The following PLXNA2 variants were observed in gnomAD, a reference collection of about 807,000 sequenced individuals.
PLXNA2 encodes plexin A2, also known as plexin-A2.
A neutral mutation model predicts 193.5 loss-of-function variants in PLXNA2; 91 were observed. The observed-to-expected ratio is 0.47, with a 90% CI of 0.40 to 0.56. PLXNA2 has a LOEUF of 0.56. Ranked by LOEUF, PLXNA2 falls within the 20% of genes least tolerant of loss-of-function variation. PLXNA2 has a pLI of 0.00. For synonymous variants in PLXNA2, 997 were observed against 1,027.3 expected (o/e 0.97, Z 0.56); for missense variants, 1,995 against 2,503.2 (o/e 0.80, Z 4.33).
rs1157906080 is a variant in PLXNA2, at chr1:208,217,838, C to G, written c.85G>C (p.Ala29Pro). ...TGAGGCATGCCGGCTGCTGGGGGGG[C>G]CAGCAGCACCCAGACCACTGAGAGC... is the stretch of plus-strand genomic sequence containing the variant. ...VLLSVVWVLL[A>P]PPAAGMPQFS... is the part of the protein sequence containing the mutation. Residue 29 changes from alanine to proline, a missense_variant, in exon 2 of 32, where the codon GCC becomes CCC. By Grantham distance (27) the Ala-to-Pro change is conservative. Transcript: ENST00000367033. This position sits in a 1 kb window ranked among gnomAD's most constrained non-coding sequence, Gnocchi z 4.7. The G allele has an allele frequency of 6.2e-7, 1 of 1,613,874 alleles. No individual in the cohort carries two copies. The highest frequency in any genetic ancestry group is 8.5e-7 in the Non-Finnish European group (1 of 1,179,998).
At chr1:208,052,643 A>T (rs1304201182) in intron 14 of PLXNA2, among the ~76,000 whole-genome samples, 180 bp from the exon 15 acceptor site, 1 of 152,118 alleles carries the variant, frequency 6.6e-6, no homozygotes, top group Non-Finnish European at 1.5e-5. Context: ...TCTAAGAATC[A>T]TCTCTGGGCA....
intron 1 of PLXNA2, among the ~76,000 whole-genome samples, chr1:208,220,233 G>A (rs1287025089): frequency 1.3e-5 from 2 of 152,118 alleles, no homozygotes; most frequent in Non-Finnish European, 2.9e-5. Context: ...ATAGTGAGTG[G>A]CTTTTGTTGT....
intron 22 of PLXNA2, among the ~76,000 whole-genome samples, chr1:208,041,895 G>A (rs534049066): frequency 3.3e-5 from 5 of 152,350 alleles, no homozygotes; most frequent in African/African-American, 1.2e-4. Flanking sequence ...TCACACCTGG[G>A]TGACTTCAGA....
intron 4 of PLXNA2, among the ~76,000 whole-genome samples, chr1:208,128,695 C>CTTTCTTTTTTTTTTTTTTTTTTTT (rs1558207045): frequency 1.2e-5 from 1 of 81,682 alleles, no homozygotes. Context: ...CTGTTTCTTT[C>CTTTCTTTTTTTTTTTTTTTTTTTT]TTTTTTTTTT....
rs1490589636 is a variant in PLXNA2 at position 208,024,629 on chromosome 1, A to ATTCTCCAC, written c.*2606_*2613dup. 1 of 152,322 alleles carries ATTCTCCAC rather than the reference A, an allele frequency of 6.6e-6. No homozygotes were observed. The highest frequency in any genetic ancestry group is 1.5e-5 in the Non-Finnish European group (1 of 68,176). 9.4% of individuals were successfully genotyped at this position (152,322 alleles called of 1,614,324 possible). A position where few individuals can be genotyped will look rare whatever the true frequency, so the allele number is the denominator to read the frequency against. On this transcript the variant is annotated 3_prime_UTR_variant, in exon 32 of 32. Transcript: ENST00000367033. ...CCCTCCAATTGGCCATTGCCCCATC[A>ATTCTCCAC]TTCTCCACGCTCTCCACAAACCTTC...
intron 3 of PLXNA2, among the ~76,000 whole-genome samples, chr1:208,195,426 G>A (rs1159860970): frequency 1.3e-5 from 2 of 152,086 alleles, no homozygotes; most frequent in African/African-American, 2.4e-5. Context: ...GACCCACCAG[G>A]CACTGTGCTT....
Position 208,039,768 on chromosome 1 carries a change from C to T in PLXNA2, c.4354-1G>A. 1.2e-6 allele frequency: 2 copies of T among 1,614,066 alleles called. No individual in the cohort carries two copies. Among genetic ancestry groups the T allele is most frequent in the Non-Finnish European group, 1.7e-6 (2 of 1,180,002 alleles). Reference sequence around the variant, plus strand: ...TGAAGAGTGGCTCCCCTGCGCACTCCTGTGGGCACAGACAGGGCAGGAGGT... The same window carrying T: ...TGAAGAGTGGCTCCCCTGCGCACTCTTGTGGGCACAGACAGGGCAGGAGGT... On this transcript the variant is annotated splice_acceptor_variant, in intron 23 of 31. Transcript: ENST00000367033. LOFTEE classifies it high-confidence loss of function.
intron 11 of PLXNA2, 66 bp from the exon 12 acceptor site, chr1:208,079,516 G>A (rs1666264857): frequency 8.1e-7 from 1 of 1,227,820 alleles, no homozygotes; most frequent in Non-Finnish European, 1.1e-6. Context: ...CCCTCCTCTT[G>A]CAGGTGTGAT....
chr1:208,142,247 A>T, intron 4 of PLXNA2, 82 bp downstream of exon 4: 1 of 1,453,824 alleles, frequency 6.9e-7, no homozygotes, highest in Non-Finnish European at 9.2e-7. Flanking sequence ...CTCTTCTTGG[A>T]CTGAACAGTT....
rs368056918 is a variant in PLXNA2, at chr1:208,186,708, A to ATTTTGTTTTTTGTT, written c.1371+23571_1371+23572insAACAAAAAACAAAA. On this transcript the variant is annotated intron_variant, in intron 3 of 31. Coordinates refer to ENST00000367033, the MANE Select transcript of PLXNA2 (RefSeq NM_025179.4). ...GGGCTGTCCTGGGAATTGCAATGTT[A>ATTTTGTTTTTTGTT]TTTTATTTTTTTTTTTTTTTTTGAG... is the stretch of plus-strand genomic sequence containing the variant. Among the ~76,000 whole-genome samples the ATTTTGTTTTTTGTT allele has an allele frequency of 2.7e-3, 307 of 111,678 alleles. 20 individuals are homozygous for ATTTTGTTTTTTGTT. The highest frequency in any genetic ancestry group is 7.2e-3 in the African/African-American group (240 of 33,254). 73.3% of individuals were successfully genotyped at this position (111,678 alleles called of 152,430 possible).
intron 4 of PLXNA2, among the ~76,000 whole-genome samples, chr1:208,105,337 T>C (rs1435100971): frequency 6.6e-6 from 1 of 152,198 alleles, no homozygotes. Context: ...ACCGCCTGGC[T>C]TTCCAAAGGA....
chr1:208,032,154 G>A, intron 28 of PLXNA2: 2 of 985,208 alleles, frequency 2.0e-6, no homozygotes, highest in Non-Finnish European at 2.4e-6. Context: ...CCTGGCAGGA[G>A]CACAGCAGGA....
rs145389654 is a variant in PLXNA2, at chr1:208,128,082, G to A, written c.1506+14247C>T. ...GCCTGAGGGGCGGGCAGAGAGATCC[G>A]GAGCCAAGAACTGACTAGATCAACC... On this transcript the variant is annotated intron_variant, in intron 4 of 31. Transcript: ENST00000367033. Among the ~76,000 whole-genome samples the A allele has an allele frequency of 1.2e-3, 189 of 152,264 alleles. 1 individual carries two copies. The highest frequency in any genetic ancestry group is 4.1e-3 in the African/African-American group (172 of 41,548).
chr1:208,070,568 C>T (rs575791890), intron 12 of PLXNA2, among the ~76,000 whole-genome samples: 4 of 152,310 alleles, frequency 2.6e-5, no homozygotes, highest in South Asian at 2.1e-4. Flanking sequence ...CTAATTTGTC[C>T]AAGTGAGCTC....
At chr1:208,210,145 C>T (rs1670887766) in intron 3 of PLXNA2, 135 bp downstream of exon 3, 1 of 894,310 alleles carries the variant, frequency 1.1e-6, no homozygotes, top group Non-Finnish European at 1.8e-6. Context: ...CCCTTCTTAC[C>T]TCCCCATTTC....
intron 17 of PLXNA2, among the ~76,000 whole-genome samples, chr1:208,048,291 A>T (rs1665143798): frequency 6.6e-6 from 1 of 152,238 alleles, no homozygotes; most frequent in Non-Finnish European, 1.5e-5. Flanking sequence ...GATGAGGGGT[A>T]GGCCCAGGTG....
At chr1:208,191,991 T>C (rs182925822) in intron 3 of PLXNA2, among the ~76,000 whole-genome samples, 204 of 152,282 alleles carry the variant, frequency 1.3e-3, no homozygotes, top group African/African-American at 4.5e-3. Context: ...CTCCCTCCCC[T>C]TGCCTCATGG....
intron 12 of PLXNA2, 145 bp downstream of exon 12, chr1:208,079,115 C>T (rs995523919): frequency 1.2e-5 from 8 of 654,020 alleles, no homozygotes; most frequent in South Asian, 6.1e-5. Flanking sequence ...TTAAGACACA[C>T]GCGAGAGGTT....
intron 8 of PLXNA2, among the ~76,000 whole-genome samples, chr1:208,094,005 T>G (rs971384004): frequency 5.3e-5 from 8 of 152,206 alleles, no homozygotes; most frequent in Non-Finnish European, 1.2e-4. Flanking sequence ...GGTCACCGGC[T>G]CACAGGCCAT....
Sources: allele counts gnomAD v4.1 joint callset (sites outside exome capture counted in the v4.1 genomes callset), GRCh38; gene constraint gnomAD v4.1.1; non-coding constraint Gnocchi (gnomAD v3.1); transcripts MANE v1.5; gene names NCBI Gene and HGNC (gene_info 2026-07-23, HGNC 2026-07-21).